Variants in FGD4 observed in about 807,000 individuals in gnomAD.
The protein encoded by FGD4 is FYVE, RhoGEF and PH domain-containing protein 4.
FGD4 carries 42 observed loss-of-function variants against 102.0 expected under a neutral mutation model. The ratio of observed to expected loss-of-function variants is 0.41; its 90% CI spans 0.32 to 0.53. FGD4 has a LOEUF of 0.53. Among genes scored for constraint, FGD4 ranks in the 20% least tolerant of loss-of-function variants. FGD4 has a pLI of 0.21. For missense variants in FGD4, 902 were observed against 1,078.2 expected (o/e 0.84, Z 2.29); for synonymous variants, 380 against 375.7 (o/e 1.01, Z -0.13).
chr12:32,640,863 A>C lies in FGD4; in HGVS notation c.*330A>C. On this transcript the variant is annotated 3_prime_UTR_variant, in exon 17 of 17. Coordinates refer to ENST00000534526, the MANE Select transcript of FGD4 (RefSeq NM_001370298.3). ...GCACTTCCATTTAAGAAATCCTTTCATGTCTTCTTCTCTTTCACATGTAGG... is the reference window on the plus strand; with the variant it reads ...GCACTTCCATTTAAGAAATCCTTTCCTGTCTTCTTCTCTTTCACATGTAGG... The C allele has an allele frequency of 1.8e-6, 1 of 550,972 alleles. No individual in the cohort carries two copies. The highest frequency in any genetic ancestry group is 3.2e-6 in the Non-Finnish European group (1 of 309,976). 34.1% of individuals were successfully genotyped at this position (550,972 alleles called of 1,614,324 possible). A position where few individuals can be genotyped will look rare whatever the true frequency, so the allele number is the denominator to read the frequency against.
At position 32,570,598 on chromosome 12, in the gene FGD4, C is replaced by T. The variant is rs7296182; in HGVS notation, c.320-5668C>T. Among the ~76,000 whole-genome samples the T allele has an allele frequency of 7.3e-3, 1,109 of 152,028 alleles. 10 individuals carry two copies. The highest frequency in any genetic ancestry group is 0.025 in the African/African-American group (1,047 of 41,468). The stretch of plus-strand genomic sequence containing the variant: ...CTGGGATTACAGGCATGTGCCACCA[C>T]GCCCGGCTAATTTTTGTATTTTTAG... On this transcript the variant is annotated intron_variant, in intron 2 of 16. Coordinates refer to ENST00000534526, the MANE Select transcript of FGD4 (RefSeq NM_001370298.3).
intron 1 of FGD4, among the ~76,000 whole-genome samples, chr12:32,423,374 T>C (rs566966800): frequency 6.6e-6 from 1 of 151,024 alleles, no homozygotes; most frequent in Admixed American, 6.6e-5. Flanking sequence ...GGCAGATCAC[T>C]AGGTGAGGAG....
At chr12:32,508,063 T>C (rs1938968057) in intron 1 of FGD4, among the ~76,000 whole-genome samples, 1 of 152,176 alleles carries the variant, frequency 6.6e-6, no homozygotes, top group South Asian at 2.1e-4. Context: ...GCTAAGAGTA[T>C]CATTTGCATT....
At chr12:32,528,724 C>T (rs1941507257) in intron 1 of FGD4, among the ~76,000 whole-genome samples, 1 of 152,098 alleles carries the variant, frequency 6.6e-6, no homozygotes, top group South Asian at 2.1e-4. Flanking sequence ...TTAGATTGCT[C>T]ATATTTAATA....
At chr12:32,573,809 C>G (rs1367987210) in intron 2 of FGD4, among the ~76,000 whole-genome samples, 1 of 152,170 alleles carries the variant, frequency 6.6e-6, no homozygotes, top group Non-Finnish European at 1.5e-5. Flanking sequence ...AAGTGCCTCT[C>G]CACTAGTATA....
chr12:32,407,971 A>ATTTT (rs1941015053), intron 1 of FGD4, among the ~76,000 whole-genome samples: 1 of 135,600 alleles, frequency 7.4e-6, no homozygotes, highest in Non-Finnish European at 1.6e-5. Flanking sequence ...GTAATCCTAG[A>ATTTT]CTTTATTTAT....
intron 1 of FGD4, among the ~76,000 whole-genome samples, chr12:32,514,900 G>A (rs1416984932): frequency 6.6e-6 from 1 of 151,894 alleles, no homozygotes; most frequent in Non-Finnish European, 1.5e-5. Context: ...ATTTTTTGTA[G>A]ATATGGGGTT....
intron 1 of FGD4, among the ~76,000 whole-genome samples, chr12:32,561,874 T>A (rs961149184): frequency 1.3e-5 from 2 of 152,230 alleles, no homozygotes; most frequent in Admixed American, 1.3e-4. Context: ...GTTTTTGAGT[T>A]CTATATAAAT....
chr12:32,481,266 G>A (rs931119702), intron 1 of FGD4, among the ~76,000 whole-genome samples: 4 of 150,298 alleles, frequency 2.7e-5, no homozygotes, highest in Non-Finnish European at 2.9e-5. Context: ...GTGAAACCCC[G>A]TCTCTAGTAA....
chr12:32,607,252 TTA>T (rs1948836638), intron 7 of FGD4, among the ~76,000 whole-genome samples: 1 of 152,172 alleles, frequency 6.6e-6, no homozygotes, highest in South Asian at 2.1e-4. Context: ...AACTTCAGTG[TTA>T]TAGAAATATC....
At chr12:32,526,397 C>G (rs1036747862) in intron 1 of FGD4, among the ~76,000 whole-genome samples, 3 of 152,190 alleles carry the variant, frequency 2.0e-5, no homozygotes, top group South Asian at 2.1e-4. Context: ...ATGCACCAAT[C>G]GACACTCTGT....
At chr12:32,538,622 T>C (rs1199640133) in intron 1 of FGD4, among the ~76,000 whole-genome samples, 1 of 152,108 alleles carries the variant, frequency 6.6e-6, no homozygotes, top group East Asian at 1.9e-4. Flanking sequence ...AGCCCGTACA[T>C]GATTTTGGAT....
chr12:32,570,799 C>G (rs149340430), intron 2 of FGD4, among the ~76,000 whole-genome samples: 383 of 152,176 alleles, frequency 2.5e-3, no homozygotes, highest in African/African-American at 8.6e-3. Flanking sequence ...CAAAATAATT[C>G]CAGATAATAC....
chr12:32,549,427 C>G (rs116190764), intron 1 of FGD4, among the ~76,000 whole-genome samples: 1,578 of 152,192 alleles, frequency 0.01, 25 homozygotes, highest in African/African-American at 0.035. Flanking sequence ...GAGTGCTTCC[C>G]CCTCGTCCTT....
intron 1 of FGD4, among the ~76,000 whole-genome samples, chr12:32,552,784 C>CTTTTTTTT (rs71068325): frequency 6.9e-6 from 1 of 144,270 alleles, no homozygotes; most frequent in Non-Finnish European, 1.5e-5. Flanking sequence ...TGGAGTGTAC[C>CTTTTTTTT]TTTTTTTTTT....
At chr12:32,446,078 A>C (rs986500443) in intron 1 of FGD4, among the ~76,000 whole-genome samples, 3 of 152,136 alleles carry the variant, frequency 2.0e-5, no homozygotes, top group Non-Finnish European at 2.9e-5. Context: ...ACCTGACCCT[A>C]GAAGGTCAGG....
chr12:32,502,126 A>T lies in FGD4; in HGVS notation c.167-62011A>T, dbSNP rs530422727. 84 of 985,442 alleles carry T rather than the reference A, an allele frequency of 8.5e-5. 1 individual carries two copies. The South Asian group carries it at 3.4e-3, about 40-fold the overall frequency. 61.0% of individuals were successfully genotyped at this position (985,442 alleles called of 1,614,324 possible). A position where few individuals can be genotyped will look rare whatever the true frequency, so the allele number is the denominator to read the frequency against. On this transcript the variant is annotated intron_variant, in intron 1 of 16. Transcript: ENST00000534526. ...GCCTTAGGAGGGCTGGTTACCATGG[A>T]ATCCACCATCTGTTCACTCCCCACC...
intron 1 of FGD4, among the ~76,000 whole-genome samples, chr12:32,501,396 C>T (rs1484817529): frequency 6.6e-6 from 1 of 152,142 alleles, no homozygotes; most frequent in African/African-American, 2.4e-5. Flanking sequence ...AGGACTTAAC[C>T]TCTGATTCCT....
chr12:32,512,005 C>G (rs1939423336), intron 1 of FGD4: 1 of 152,154 alleles, frequency 6.6e-6, no homozygotes, highest in Admixed American at 6.5e-5. Context: ...AAAATTATTA[C>G]TATAAAATGA....
Sources: gnomAD v4.1 joint callset for allele counts (sites outside exome capture counted in the v4.1 genomes callset) on GRCh38, gnomAD v4.1.1 for gene constraint, MANE v1.5 for transcripts, NCBI Gene and HGNC (gene_info 2026-07-23, HGNC 2026-07-21) for gene names.